The following OSBPL1A variants were observed in gnomAD, a reference collection of about 807,000 sequenced individuals.
The protein encoded by OSBPL1A is oxysterol binding protein like 1A, also known as oxysterol-binding protein-related protein 1.
Under a neutral mutation model 137.1 loss-of-function variants are expected in OSBPL1A, and 80 were observed. The ratio of observed to expected loss-of-function variants is 0.58; its 90% confidence interval spans 0.49 to 0.70. The LOEUF (loss-of-function observed/expected upper bound fraction) is 0.70. OSBPL1A is among the 30% of genes least tolerant of loss of function. The probability of loss-of-function intolerance (pLI) is 0.00; values close to 1 mark genes in which losing one functional copy is unlikely to be tolerated. For synonymous variants in OSBPL1A, 365 were observed against 389.7 expected, an observed-to-expected ratio of 0.94 and a Z score of 0.75; for missense variants, 970 against 1,129.4, an observed-to-expected ratio of 0.86 and a Z score of 2.02.
intron 17 of OSBPL1A, among the ~76,000 whole-genome samples, chr18:24,220,459 G>A (rs1016465364): frequency 1.3e-5 from 2 of 152,114 alleles, no homozygotes; most frequent in Admixed American, 1.3e-4. Context: ...CTCTAGGCAG[G>A]GAGCCGGGAG....
At chr18:24,238,825 G>A (rs747432548) in intron 16 of OSBPL1A, among the ~76,000 whole-genome samples, 7 of 152,130 alleles carry the variant, frequency 4.6e-5, no homozygotes, top group Admixed American at 6.5e-5. Flanking sequence ...CTTGCGCTTC[G>A]TTACCTGTAT....
intron 4 of OSBPL1A, among the ~76,000 whole-genome samples, chr18:24,354,007 T>G (rs988966289): frequency 6.6e-6 from 1 of 151,792 alleles, no homozygotes; most frequent in South Asian, 2.1e-4. Flanking sequence ...ACATGGCACA[T>G]GTATACATAT....
intron 22 of OSBPL1A, among the ~76,000 whole-genome samples, chr18:24,172,059 GCCT>G (rs916779458): frequency 1.3e-5 from 2 of 151,508 alleles, no homozygotes; most frequent in African/African-American, 4.9e-5. Context: ...TCCTGCCTCA[GCCT>G]CCTGAGTAGC....
At position 24,341,646 on chromosome 18, in the gene OSBPL1A, GC is replaced by G. The variant is rs1568039500; in HGVS notation, c.294del (p.Met98IlefsTer4). Reference protein sequence around the residue: ...AAFTGRKELVMLLLEYNADTT... With the variant: ...AAFTGRKELVXLLLEYNADTT... ...GTATCAGCATTATATTCTAAGAGAA[GC>G]ATTACCAACTCCTAAAAATCAGAGA... is the stretch of plus-strand genomic sequence containing the variant. On this transcript the variant is annotated frameshift_variant, in exon 5 of 28. Coordinates refer to ENST00000319481, the MANE Select transcript of OSBPL1A (RefSeq NM_080597.4). LOFTEE classifies it high-confidence loss of function. The G allele has an allele frequency of 6.3e-7, 1 of 1,599,702 alleles. No individual in the cohort carries two copies. Among genetic ancestry groups the G allele is most frequent in the Admixed American group, 1.7e-5 (1 of 57,264 alleles).
rs1011068043 is a variant in OSBPL1A at position 24,318,110 on chromosome 18, G to C, written c.732+491C>G. Among the ~76,000 whole-genome samples the C allele has an allele frequency of 9.2e-5, 14 of 152,102 alleles. No homozygotes were observed. In the East Asian group the frequency reaches 2.5e-3, roughly 27 times the overall value. ...AAAGGGACCATCAACACACAGAAAA[G>C]TAATGGCTACAACCAGTGGAAGCCT... is the stretch of plus-strand genomic sequence containing the variant. On this transcript the variant is annotated intron_variant, in intron 9 of 27. Coordinates refer to ENST00000319481, the MANE Select transcript of OSBPL1A (RefSeq NM_080597.4).
intron 15 of OSBPL1A, among the ~76,000 whole-genome samples, chr18:24,261,208 C>T (rs376991530): frequency 3.9e-5 from 6 of 152,108 alleles, no homozygotes; most frequent in African/African-American, 1.4e-4. Context: ...AAATTCCTGC[C>T]AATGTCTAGT....
At chr18:24,165,613 A>G (rs1168501404) in intron 26 of OSBPL1A, among the ~76,000 whole-genome samples, 1 of 152,186 alleles carries the variant, frequency 6.6e-6, no homozygotes, top group Non-Finnish European at 1.5e-5. Flanking sequence ...AACATGTTAG[A>G]TGTGCTGGCT....
chr18:24,259,161 C>T lies in OSBPL1A; in HGVS notation c.1282-19779G>A, dbSNP rs890957801. ...TGACCTCGTGATCCGCCTGCCTCGG[C>T]GTCCCAAAGTGCTGGGATTATAGGC... On this transcript the variant is annotated intron_variant, in intron 15 of 27. Coordinates refer to ENST00000319481, the MANE Select transcript of OSBPL1A (RefSeq NM_080597.4). 6.6e-5 allele frequency among the ~76,000 whole-genome samples: 10 copies of T among 152,102 alleles called. 1 individual carries two copies. In the South Asian group the frequency reaches 1.0e-3, roughly 16 times the overall value.
intron 17 of OSBPL1A, among the ~76,000 whole-genome samples, chr18:24,197,879 C>T (rs970136920): frequency 6.6e-6 from 1 of 150,946 alleles, no homozygotes; most frequent in African/African-American, 2.4e-5. Flanking sequence ...CCCTGCCTCC[C>T]GGGTTCAAGC....
At chr18:24,320,634 G>A (rs2090830902) in intron 7 of OSBPL1A, among the ~76,000 whole-genome samples, 2 of 152,118 alleles carry the variant, frequency 1.3e-5, no homozygotes, top group Non-Finnish European at 2.9e-5. Context: ...AGCATAAGGA[G>A]TTTGAGTTTT....
intron 7 of OSBPL1A, among the ~76,000 whole-genome samples, chr18:24,326,069 G>GA (rs1568029402): frequency 1.4e-5 from 2 of 145,758 alleles, no homozygotes; most frequent in African/African-American, 2.5e-5. Flanking sequence ...TTTTAGAAAA[G>GA]AAAAAAAGAA....
At chr18:24,377,644 G>C (rs1480516050) in intron 1 of OSBPL1A, 109 bp from the exon 2 acceptor site, 19 of 1,120,098 alleles carry the variant, frequency 1.7e-5, no homozygotes, top group Non-Finnish European at 2.1e-5. Flanking sequence ...CAGCTGATAA[G>C]ACAGACACAA....
chr18:24,208,834 C>T (rs1414344406), intron 17 of OSBPL1A, among the ~76,000 whole-genome samples: 2 of 152,082 alleles, frequency 1.3e-5, no homozygotes, highest in Non-Finnish European at 2.9e-5. Context: ...CAACAAAAGG[C>T]CATTGTTTAC....
intron 18 of OSBPL1A, among the ~76,000 whole-genome samples, chr18:24,185,327 T>A (rs2086716300): frequency 6.9e-6 from 1 of 145,234 alleles, no homozygotes; most frequent in Non-Finnish European, 1.5e-5. Flanking sequence ...AATTCTTTTT[T>A]CTTTTTTTTT....
chr18:24,365,090 G>T (rs918982503), intron 4 of OSBPL1A, among the ~76,000 whole-genome samples: 9 of 147,880 alleles, frequency 6.1e-5, no homozygotes, highest in African/African-American at 1.5e-4. Context: ...TTCCAGCAAA[G>T]GTATCTAGGC....
At chr18:24,173,873 C>T (rs2086358384) in intron 21 of OSBPL1A, among the ~76,000 whole-genome samples, 1 of 152,220 alleles carries the variant, frequency 6.6e-6, no homozygotes, top group Non-Finnish European at 1.5e-5. Context: ...TCATACTTCT[C>T]CTGGTAGTCA....
intron 17 of OSBPL1A, among the ~76,000 whole-genome samples, chr18:24,212,352 C>T (rs935232746): frequency 2.0e-5 from 3 of 152,036 alleles, no homozygotes; most frequent in Admixed American, 6.6e-5. Context: ...GACACCACGC[C>T]CGGCCTTCAA....
intron 18 of OSBPL1A, among the ~76,000 whole-genome samples, chr18:24,195,550 G>A (rs1205585130): frequency 2.0e-5 from 3 of 152,014 alleles, no homozygotes; most frequent in Middle Eastern, 3.2e-3. Context: ...GTCACACTAG[G>A]AAGAGTTATG....
At chr18:24,391,629 T>C (rs1168116503) in intron 1 of OSBPL1A, among the ~76,000 whole-genome samples, 1 of 151,718 alleles carries the variant, frequency 6.6e-6, no homozygotes, top group Non-Finnish European at 1.5e-5. Flanking sequence ...CTTGGGAGGC[T>C]GAAGCAGGAG....
Sources: allele counts gnomAD v4.1 joint callset (sites outside exome capture counted in the v4.1 genomes callset), GRCh38; gene constraint gnomAD v4.1.1; transcripts MANE v1.5; gene names NCBI Gene and HGNC (gene_info 2026-07-23, HGNC 2026-07-21).